The following HMBOX1 variants were observed in gnomAD, a reference collection of about 807,000 sequenced individuals.
HMBOX1 encodes the protein homeobox-containing protein 1.
A neutral mutation model predicts 54.5 loss-of-function variants in HMBOX1; 14 were observed. The observed-to-expected ratio is 0.26, with a 90% CI of 0.17 to 0.40. The LOEUF is 0.40. Among genes scored for constraint, HMBOX1 ranks in the 10% least tolerant of loss-of-function variants. HMBOX1 has a pLI of 1.00. For synonymous variants in HMBOX1, 160 were observed against 181.0 expected, an observed-to-expected ratio of 0.88 and a Z score of 0.93; for missense variants, 332 against 514.4, an observed-to-expected ratio of 0.65 and a Z score of 3.43.
chr8:28,897,367 A>T (rs1345101643), intron 1 of HMBOX1, among the ~76,000 whole-genome samples: 1 of 152,166 alleles, frequency 6.6e-6, no homozygotes, highest in African/African-American at 2.4e-5. Context: ...GAAATTGTCC[A>T]CAAATAAAAT....
chr8:28,969,950 G>A (rs1375040549), intron 2 of HMBOX1, 93 bp from the exon 3 acceptor site: 2 of 790,910 alleles, frequency 2.5e-6, no homozygotes, highest in East Asian at 2.5e-5. Flanking sequence ...AGAAGCTTAT[G>A]TAGAAATATT....
At chr8:28,930,790 A>G (rs1405156574) in intron 1 of HMBOX1, among the ~76,000 whole-genome samples, 4 of 152,262 alleles carry the variant, frequency 2.6e-5, no homozygotes, top group South Asian at 4.1e-4. Context: ...ACTTCTTTGA[A>G]TCAGTTGTAA....
chr8:29,031,935 A>G (rs1257206344), intron 6 of HMBOX1, among the ~76,000 whole-genome samples: 3 of 152,190 alleles, frequency 2.0e-5, no homozygotes, highest in Admixed American at 1.3e-4. Context: ...TACAGTTTCA[A>G]TGAGGTGAGA....
At chr8:29,049,278 G>C in intron 9 of HMBOX1, 4 of 1,535,236 alleles carry the variant, frequency 2.6e-6, no homozygotes, top group Non-Finnish European at 3.5e-6. Flanking sequence ...TGGATTTATT[G>C]TCATACAACA....
At chr8:28,980,271 A>G in intron 4 of HMBOX1, 115 bp downstream of exon 4, 1 of 763,698 alleles carries the variant, frequency 1.3e-6, no homozygotes, top group South Asian at 1.5e-5. Context: ...CAACTTAGGC[A>G]TAATTATGTA....
chr8:28,944,751 AG>A (rs1266542161), intron 1 of HMBOX1, among the ~76,000 whole-genome samples: 1 of 152,186 alleles, frequency 6.6e-6, no homozygotes, highest in Non-Finnish European at 1.5e-5. Flanking sequence ...AGGAAGAAAA[AG>A]GTAATTCCTT....
chr8:29,034,965 T>G (rs1803613639), intron 6 of HMBOX1, among the ~76,000 whole-genome samples: 1 of 152,188 alleles, frequency 6.6e-6, no homozygotes, highest in Non-Finnish European at 1.5e-5. Context: ...AAAAAAGAAG[T>G]AGAAGTCTAG....
intron 1 of HMBOX1, among the ~76,000 whole-genome samples, chr8:28,960,804 T>TTTTTTTTTTTTTTTTTTG: frequency 8.0e-6 from 1 of 124,842 alleles, no homozygotes; most frequent in Non-Finnish European, 1.7e-5. Context: ...TTTTTTTTTT[T>TTTTTTTTTTTTTTTTTTG]GGAGACGGAG....
chr8:28,934,820 G>T (rs755558472), intron 1 of HMBOX1, among the ~76,000 whole-genome samples: 70 of 151,918 alleles, frequency 4.6e-4, no homozygotes, highest in Non-Finnish European at 8.2e-4. Flanking sequence ...CCAGCTACTC[G>T]GAAGGTTGAG....
intron 1 of HMBOX1, among the ~76,000 whole-genome samples, chr8:28,942,780 T>C (rs1217075412): frequency 6.6e-6 from 1 of 152,178 alleles, no homozygotes. Flanking sequence ...TTTAGGGTGT[T>C]TCTGATCTTT....
intron 4 of HMBOX1, among the ~76,000 whole-genome samples, chr8:28,999,957 A>G (rs558769143): frequency 3.3e-5 from 5 of 152,262 alleles, no homozygotes; most frequent in African/African-American, 1.2e-4. Flanking sequence ...TGCATGTCTC[A>G]TAAGTTTTGT....
chr8:28,959,724 G>A (rs1230731183), intron 1 of HMBOX1, among the ~76,000 whole-genome samples: 1 of 152,074 alleles, frequency 6.6e-6, no homozygotes, highest in African/African-American at 2.4e-5. Flanking sequence ...CTATAGTTTA[G>A]TATTATTAGA....
intron 6 of HMBOX1, among the ~76,000 whole-genome samples, chr8:29,020,255 A>G (rs1800962998): frequency 6.6e-6 from 1 of 152,196 alleles, no homozygotes. Context: ...ATTAGTTTCT[A>G]CCTGGTGCTA....
In HMBOX1 at chr8:28,890,425, A is replaced by C. The variant is rs555062452; in HGVS notation, c.-311A>C. 6.3e-6 allele frequency: 1 copy of C among 159,126 alleles called. No individual in the cohort carries two copies. Among genetic ancestry groups the C allele is most frequent in the South Asian group, 1.6e-4 (1 of 6,316 alleles). The allele number at this position is 159,126 out of a possible 1,614,324, so 9.9% of individuals were successfully genotyped here. The stretch of plus-strand genomic sequence containing the variant: ...TATCAATATGGCGGTTGTCAGCCAG[A>C]CAAAGACAGTCAGTCTGATGTGATT... On this transcript the variant is annotated 5_prime_UTR_variant, in exon 1 of 10. Transcript: ENST00000287701.
intron 6 of HMBOX1, among the ~76,000 whole-genome samples, chr8:29,038,688 C>G (rs951013685): frequency 2.0e-5 from 3 of 152,138 alleles, no homozygotes; most frequent in African/African-American, 7.2e-5. Context: ...CCTTTCCTTT[C>G]TATGTCCAGG....
At chr8:29,022,846 A>G (rs1801396687) in intron 6 of HMBOX1, among the ~76,000 whole-genome samples, 1 of 147,856 alleles carries the variant, frequency 6.8e-6, no homozygotes, top group Non-Finnish European at 1.5e-5. Flanking sequence ...ACGTAATTAT[A>G]TATCAAAATT....
rs549154046 is a variant in HMBOX1, at chr8:29,049,390, A to T, written c.1125+342A>T. ...GAAGAAGAGAGGAGGATCTGATCCA[A>T]ACAAGCAAGTTACACCATTCACGAC... is the stretch of plus-strand genomic sequence containing the variant. On this transcript the variant is annotated intron_variant, in intron 9 of 9. Coordinates refer to ENST00000287701, the MANE Select transcript of HMBOX1 (RefSeq NM_001135726.3). 91 of 1,534,602 alleles carry T rather than the reference A, an allele frequency of 5.9e-5. No homozygotes were observed. In the South Asian group the frequency reaches 9.4e-4, roughly 16 times the overall value.
chr8:28,953,632 AGTCTG>A, intron 1 of HMBOX1, among the ~76,000 whole-genome samples: 1 of 151,432 alleles, frequency 6.6e-6, no homozygotes, highest in South Asian at 2.1e-4. Flanking sequence ...TTCTATGTCT[AGTCTG>A]GATTTGGAAA....
At chr8:29,003,881 A>G (rs900605862) in intron 4 of HMBOX1, among the ~76,000 whole-genome samples, 4 of 152,214 alleles carry the variant, frequency 2.6e-5, no homozygotes, top group Middle Eastern at 3.4e-3. Flanking sequence ...CTTCTAATTA[A>G]AAAGGAGCTT....
Sources: allele counts gnomAD v4.1 joint callset (sites outside exome capture counted in the v4.1 genomes callset), GRCh38; gene constraint gnomAD v4.1.1; transcripts MANE v1.5; gene names NCBI Gene and HGNC (gene_info 2026-07-23, HGNC 2026-07-21).